SNRK: variants seen among roughly 807,000 people sequenced by gnomAD.
SNRK encodes the protein SNF-related serine/threonine-protein kinase.
In SNRK, 3 loss-of-function variants were observed where a neutral mutation model predicts 48.2. The observed-to-expected ratio is 0.06, with a 90% CI of 0.03 to 0.16. The LOEUF (loss-of-function observed/expected upper bound fraction) is 0.16. SNRK is among the 10% of genes least tolerant of loss of function. The probability of loss-of-function intolerance (pLI) is 1.00; values close to 1 mark genes in which losing one functional copy is unlikely to be tolerated. For missense variants in SNRK, 627 were observed against 976.0 expected (o/e 0.64, Z 4.76); for synonymous variants, 376 against 366.1 (o/e 1.03, Z -0.31).
Position 43,303,537 on chromosome 3 carries a change from A to C in SNRK, c.334A>C (p.Asn112His). 3 of 1,614,160 alleles carry C rather than the reference A, an allele frequency of 1.9e-6. No homozygotes were observed. Among genetic ancestry groups the C allele is most frequent in the Non-Finnish European group, 2.5e-6 (3 of 1,180,022 alleles). ...DYIMKHEEGLNEDLAKKYFAQ... is the reference protein window; with the variant it reads ...DYIMKHEEGLHEDLAKKYFAQ... ...TATAATGAAACATGAGGAGGGTCTT[A>C]ATGAAGACTTGGCCAAGAAGTATTT... Residue 112 changes from asparagine to histidine, a missense_variant, in exon 3 of 7, where the codon AAT becomes CAT. Physicochemically the swap from Asn to His is moderately conservative, Grantham distance 68. This residue lies in a region of SNRK where 147 missense variants were observed against 356.8 expected (regional missense o/e 0.41). Coordinates refer to ENST00000296088, the MANE Select transcript of SNRK (RefSeq NM_017719.5). The surrounding 1 kb of genome is among the most constrained non-coding windows in gnomAD (Gnocchi z 6.2).
chr3:43,298,656 A>G (rs2090875400), intron 1 of SNRK, among the ~76,000 whole-genome samples: 1 of 152,188 alleles, frequency 6.6e-6, no homozygotes, highest in African/African-American at 2.4e-5. Flanking sequence ...CCATTAGTGT[A>G]TAGTGTAAAT....
chr3:43,317,895 T>G (rs2091025269), intron 3 of SNRK, among the ~76,000 whole-genome samples: 1 of 152,204 alleles, frequency 6.6e-6, no homozygotes, highest in African/African-American at 2.4e-5. Context: ...TTCCTGCCTT[T>G]AGGATTATTG....
At chr3:43,298,697 C>T (rs138182309) in intron 1 of SNRK, among the ~76,000 whole-genome samples, 1 of 152,316 alleles carries the variant, frequency 6.6e-6, no homozygotes, top group East Asian at 1.9e-4. Context: ...AATGTTTAGG[C>T]CTCTCTGTTA....
At chr3:43,300,034 G>A (rs1185482570) in intron 2 of SNRK, among the ~76,000 whole-genome samples, 1 of 152,110 alleles carries the variant, frequency 6.6e-6, no homozygotes, top group Non-Finnish European at 1.5e-5. Context: ...GATATTTTTC[G>A]TCTAAACTTT....
At chr3:43,331,186 C>A (rs773345851) in intron 3 of SNRK, among the ~76,000 whole-genome samples, 1 of 152,088 alleles carries the variant, frequency 6.6e-6, no homozygotes, top group Non-Finnish European at 1.5e-5. Context: ...GAATTCGTTT[C>A]TTATTATGTG....
intron 2 of SNRK, among the ~76,000 whole-genome samples, chr3:43,302,194 C>G (rs1428019938): frequency 6.6e-6 from 1 of 152,082 alleles, no homozygotes; most frequent in East Asian, 1.9e-4. Flanking sequence ...TACTAAGTAC[C>G]TACTACCATA....
intron 3 of SNRK, among the ~76,000 whole-genome samples, chr3:43,324,398 A>G (rs1002101465): frequency 2.0e-5 from 3 of 151,704 alleles, no homozygotes; most frequent in African/African-American, 7.3e-5. Context: ...GGTTCCGGCT[A>G]CTCCGGAGGC....
intron 3 of SNRK, among the ~76,000 whole-genome samples, chr3:43,331,803 A>C (rs1477792542): frequency 5.3e-5 from 8 of 152,170 alleles, no homozygotes. Context: ...CCGGTCTCAG[A>C]GTATTAATAT....
intron 3 of SNRK, 106 bp from the exon 4 acceptor site, chr3:43,332,063 A>G (rs2091150554): frequency 6.0e-6 from 5 of 833,364 alleles, no homozygotes; most frequent in Admixed American, 4.0e-5. Flanking sequence ...ACTTTGAGAT[A>G]TAAATGCTTT....
chr3:43,347,469 A>G lies in SNRK; in HGVS notation c.1210A>G (p.Ser404Gly). ...AADSVLNGHR[S>G]KGLCDSAKKD... Reference sequence around the variant, plus strand: ...TGACAGTGTCCTCAATGGCCACAGGAGCAAAGGCCTGTGTGACTCAGCTAA... The same window carrying G: ...TGACAGTGTCCTCAATGGCCACAGGGGCAAAGGCCTGTGTGACTCAGCTAA... Residue 404 changes from serine (S) to glycine (G), a missense_variant, in exon 7 of 7, where the codon AGC (serine) becomes GGC (glycine). Physicochemically the swap from Ser to Gly is moderately conservative, Grantham distance 56. Around this residue, in one of 4 missense-constraint regions of SNRK, gnomAD observed 175 missense variants for 209.7 expected, o/e 0.83. Coordinates refer to ENST00000296088, the MANE Select transcript of SNRK (RefSeq NM_017719.5). This position sits in a 1 kb window ranked among gnomAD's most constrained non-coding sequence, Gnocchi z 5.4. The G allele has an allele frequency of 3.7e-6, 6 of 1,613,896 alleles. No homozygotes were observed. Among genetic ancestry groups the G allele is most frequent in the Non-Finnish European group, 5.1e-6 (6 of 1,179,974 alleles).
intron 3 of SNRK, among the ~76,000 whole-genome samples, chr3:43,324,112 T>C (rs972758661): frequency 6.6e-6 from 1 of 152,190 alleles, no homozygotes; most frequent in Non-Finnish European, 1.5e-5. Flanking sequence ...ATCAGGCCAG[T>C]ATACATTGAA....
chr3:43,305,377 C>T (rs571984310), intron 3 of SNRK, among the ~76,000 whole-genome samples: 4 of 151,914 alleles, frequency 2.6e-5, no homozygotes, highest in South Asian at 2.1e-4. Context: ...ATTCTGTATA[C>T]GGTGAAAATT....
Position 43,348,751 on chromosome 3 carries a change from C to A in SNRK, c.*194C>A. On this transcript the variant is annotated 3_prime_UTR_variant, in exon 7 of 7. Transcript: ENST00000296088. The stretch of plus-strand genomic sequence containing the variant: ...GCTGCTAGACACTTTTCTTTCCCAG[C>A]CGAAAAGCCTATTATGTAATTTTTA... 2.1e-6 allele frequency: 1 copy of A among 474,416 alleles called. No individual in the cohort carries two copies. Among genetic ancestry groups the A allele is most frequent in the South Asian group, 7.8e-5 (1 of 12,856 alleles). 29.4% of individuals were successfully genotyped at this position (474,416 alleles called of 1,614,324 possible). A position where few individuals can be genotyped will look rare whatever the true frequency, so the allele number is the denominator to read the frequency against.
At chr3:43,314,547 A>G (rs1010469523) in intron 3 of SNRK, among the ~76,000 whole-genome samples, 3 of 152,170 alleles carry the variant, frequency 2.0e-5, no homozygotes, top group African/African-American at 4.8e-5. Context: ...TCTGTGATAT[A>G]ATAGCTCCTC....
At chr3:43,336,988 G>A (rs557453074) in intron 4 of SNRK, among the ~76,000 whole-genome samples, 1 of 152,090 alleles carries the variant, frequency 6.6e-6, no homozygotes, top group Non-Finnish European at 1.5e-5. Flanking sequence ...TCCTGACCTC[G>A]TGATCCACCT....
At chr3:43,306,429 C>T (rs2090938642) in intron 3 of SNRK, among the ~76,000 whole-genome samples, 2 of 152,038 alleles carry the variant, frequency 1.3e-5, no homozygotes, top group African/African-American at 2.4e-5. Flanking sequence ...TACTGGTCCT[C>T]AGCATTGAGA....
chr3:43,350,901 C>G lies in SNRK; in HGVS notation c.*2344C>G, dbSNP rs770508225. 2.0e-5 allele frequency: 3 copies of G among 152,516 alleles called. No individual in the cohort carries two copies. Among genetic ancestry groups the G allele is most frequent in the Non-Finnish European group, 4.4e-5 (3 of 68,026 alleles). The allele number at this position is 152,516 out of a possible 1,614,324, so 9.4% of individuals were successfully genotyped here. On this transcript the variant is annotated 3_prime_UTR_variant, in exon 7 of 7. Coordinates refer to ENST00000296088, the MANE Select transcript of SNRK (RefSeq NM_017719.5). ...AATTATGTACTTCTGGCAATTCTAT[C>G]TGTATTTAAAGATGTGACAATCTTG...
intron 3 of SNRK, among the ~76,000 whole-genome samples, chr3:43,317,793 A>G (rs2091024591): frequency 6.6e-6 from 1 of 152,048 alleles, no homozygotes; most frequent in South Asian, 2.1e-4. Flanking sequence ...TCTTCTCCAG[A>G]GGTGTAGGGC....
chr3:43,330,185 A>G (rs1434184218), intron 3 of SNRK, among the ~76,000 whole-genome samples: 1 of 152,358 alleles, frequency 6.6e-6, no homozygotes, highest in East Asian at 1.9e-4. Flanking sequence ...ACAATAGAAG[A>G]AAAAGTTTTT....
Sources: allele counts gnomAD v4.1 joint callset (sites outside exome capture counted in the v4.1 genomes callset), GRCh38; gene constraint gnomAD v4.1.1; regional missense constraint gnomAD v4.1.1; non-coding constraint Gnocchi (gnomAD v3.1); transcripts MANE v1.5; gene names NCBI Gene and HGNC (gene_info 2026-07-23, HGNC 2026-07-21).